Variants in LTBP3 observed in about 807,000 individuals in gnomAD.
LTBP3 encodes the protein latent transforming growth factor beta binding protein 3.
In LTBP3, 97 loss-of-function variants were observed where a neutral mutation model predicts 159.7. The observed-to-expected ratio is 0.61, with a 90% CI of 0.52 to 0.72. The LOEUF (loss-of-function observed/expected upper bound fraction) is 0.72, where lower values mean the gene tolerates loss of function less well. Ranked by LOEUF, LTBP3 falls within the 30% of genes least tolerant of loss-of-function variation. LTBP3 has a pLI of 0.00. For missense variants in LTBP3, 1,584 were observed against 1,864.3 expected (o/e 0.85, Z 2.77); for synonymous variants, 824 against 777.1 (o/e 1.06, Z -1.00).
At chr11:65,543,256 G>A in intron 17 of LTBP3, 32 bp from the exon 18 acceptor site, 8 of 1,613,892 alleles carry the variant, frequency 5.0e-6, no homozygotes, top group Non-Finnish European at 6.8e-6. Flanking sequence ...GAGAATCTCA[G>A]GGGCTGATCA....
chr11:65,542,618 C>G (rs1590764073), intron 18 of LTBP3: 1 of 251,134 alleles, frequency 4.0e-6, no homozygotes, highest in African/African-American at 2.3e-5. Flanking sequence ...GAACTCCTAA[C>G]CTCATGATCC....
intron 1 of LTBP3, among the ~76,000 whole-genome samples, chr11:65,555,637 AG>A (rs1294272270): frequency 6.6e-6 from 1 of 152,118 alleles, no homozygotes; most frequent in Admixed American, 6.5e-5. Context: ...TGGGTCCCAC[AG>A]GGGGTTCGGG....
Position 65,547,962 on chromosome 11 carries a change from T to C in LTBP3, c.1804A>G (p.Asn602Asp). 1 of 1,613,900 alleles carries C rather than the reference T, an allele frequency of 6.2e-7. No individual in the cohort carries two copies. The highest frequency in any genetic ancestry group is 8.5e-7 in the Non-Finnish European group (1 of 1,179,986). ...PGPPDYSCHC[N>D]PGYRSHPQHR... The stretch of plus-strand genomic sequence containing the variant: ...TGGGGATGTGACCGGTAGCCGGGGT[T>C]GCAGTGGCAGGAGTAGTCAGGGGGG... Residue 602 changes from asparagine (N) to aspartate (D), a missense_variant, in exon 12 of 28, where the codon AAC (asparagine) becomes GAC (aspartate). By Grantham distance (23) the Asn-to-Asp change is conservative. Around this residue, in one of 6 missense-constraint regions of LTBP3, gnomAD observed 565 missense variants for 677.7 expected, o/e 0.83. Transcript: ENST00000301873. This position sits in a 1 kb window ranked among gnomAD's most constrained non-coding sequence, Gnocchi z 4.6.
chr11:65,555,929 C>G (rs1856794665), intron 1 of LTBP3, among the ~76,000 whole-genome samples: 1 of 152,182 alleles, frequency 6.6e-6, no homozygotes, highest in Non-Finnish European at 1.5e-5. Context: ...CCCATCCTGC[C>G]TGGCCTCTTG....
intron 19 of LTBP3, 139 bp from the exon 20 acceptor site, chr11:65,541,432 G>T: frequency 7.1e-7 from 1 of 1,401,854 alleles, no homozygotes; most frequent in Non-Finnish European, 9.9e-7. Flanking sequence ...TGTTCTCAAC[G>T]TGGTGTTCTG....
At position 65,540,506 on chromosome 11, in the gene LTBP3, C is replaced by G. The variant is rs1856061231; in HGVS notation, c.3086G>C (p.Gly1029Ala). The change falls in exon 22 of 28, where the codon GGG becomes GCG. Residue 1029 changes from glycine (G) to alanine (A), a missense_variant. Coordinates refer to ENST00000301873, the MANE Select transcript of LTBP3 (RefSeq NM_001130144.3). Reference protein sequence around the residue: ...CYCKQGFYYDGNLLECVDVDE... With the variant: ...CYCKQGFYYDANLLECVDVDE... ...CTCACCCACGCATTCCAGCAGGTTC[C>G]CGTCGTAGTAGAAGCCCTGCTTGCA... 6.2e-7 allele frequency: 1 copy of G among 1,613,774 alleles called. No homozygotes were observed. The highest frequency in any genetic ancestry group is 8.5e-7 in the Non-Finnish European group (1 of 1,179,894).
intron 1 of LTBP3, 104 bp downstream of exon 1, chr11:65,557,525 T>G: frequency 1.3e-6 from 2 of 1,521,164 alleles, no homozygotes; most frequent in Non-Finnish European, 1.8e-6. Context: ...TCTCTGCCCT[T>G]TATACCCTCA....
chr11:65,553,713 C>G lies in LTBP3; in HGVS notation c.852G>C (p.Leu284=), dbSNP rs770465558. The change falls in exon 3 of 28, where the codon CTG becomes CTC. Residue 284 remains leucine (L), a synonymous_variant. Coordinates refer to ENST00000301873, the MANE Select transcript of LTBP3 (RefSeq NM_001130144.3). The surrounding 1 kb of genome is among the most constrained non-coding windows in gnomAD (Gnocchi z 6.5). ...KPLGRCFQDT[L]PKQPCGSNPL... ...TGGATTCACTCACCGGCTGCTTGGG[C>G]AGAGTGTCCTGAAAGCAGCGGCCCA... 1 of 1,577,748 alleles carries G rather than the reference C, an allele frequency of 6.3e-7. No homozygotes were observed. Among genetic ancestry groups the G allele is most frequent in the Non-Finnish European group, 8.5e-7 (1 of 1,169,666 alleles).
rs79476747 is a variant in LTBP3 at position 65,540,472 on chromosome 11, G to C, written c.3106+14C>G. On this transcript the variant is annotated intron_variant, in intron 22 of 27. Coordinates refer to ENST00000301873, the MANE Select transcript of LTBP3 (RefSeq NM_001130144.3). ...CCTGCCGCTTCCCCACGGCCGCCGG[G>C]GGGCGGAGCTCACCCACGCATTCCA... 1.4e-5 allele frequency: 23 copies of C among 1,613,056 alleles called. No homozygotes were observed. The highest frequency in any genetic ancestry group is 1.6e-4 in the Middle Eastern group (1 of 6,084).
rs1382632022 is a variant in LTBP3, at chr11:65,547,428, G to A, written c.2107+11C>T. ...GGAGCTCCTTCTTTGGTCTGAATGG[G>A]GTCCCCTCACCTTCGCACACAGGAG... On this transcript the variant is annotated intron_variant, in intron 14 of 27. Coordinates refer to ENST00000301873, the MANE Select transcript of LTBP3 (RefSeq NM_001130144.3). The surrounding 1 kb of genome is among the most constrained non-coding windows in gnomAD (Gnocchi z 4.6). 2.5e-6 allele frequency: 4 copies of A among 1,612,876 alleles called. No homozygotes were observed. Among genetic ancestry groups the A allele is most frequent in the Admixed American group, 3.3e-5 (2 of 60,010 alleles).
chr11:65,553,303 G>T lies in LTBP3; in HGVS notation c.971-47C>A. On this transcript the variant is annotated intron_variant, in intron 4 of 27. Coordinates refer to ENST00000301873, the MANE Select transcript of LTBP3 (RefSeq NM_001130144.3). This position sits in a 1 kb window ranked among gnomAD's most constrained non-coding sequence, Gnocchi z 6.5. ...GCAGGGGAGGGTGAGGAGGGAACTG[G>T]GGAGGGGCACAGCAGATGTAGAGAG... The T allele has an allele frequency of 6.4e-7, 1 of 1,558,606 alleles. No homozygotes were observed. Among genetic ancestry groups the T allele is most frequent in the Non-Finnish European group, 8.8e-7 (1 of 1,130,224 alleles).
intron 18 of LTBP3, 64 bp downstream of exon 18, chr11:65,543,041 G>C: frequency 6.2e-7 from 1 of 1,605,516 alleles, no homozygotes; most frequent in East Asian, 2.2e-5. Flanking sequence ...AAAGGCCACA[G>C]TGTGTCTAGG....
chr11:65,557,283 AG>A (rs907155614), intron 1 of LTBP3, among the ~76,000 whole-genome samples: 5 of 152,010 alleles, frequency 3.3e-5, no homozygotes, highest in African/African-American at 9.7e-5. Context: ...CCCTTCTCTG[AG>A]GCTTCCTGTC....
At chr11:65,539,266 G>A (rs1455784630) in intron 27 of LTBP3, 35 bp from the exon 28 acceptor site, 8 of 1,518,010 alleles carry the variant, frequency 5.3e-6, no homozygotes, top group Non-Finnish European at 7.1e-6. Flanking sequence ...GCTTCGCTGA[G>A]CCTCCAGGCG....
chr11:65,546,416 C>G lies in LTBP3; in HGVS notation c.2353+26G>C. 6.6e-7 allele frequency: 1 copy of G among 1,523,232 alleles called. No homozygotes were observed. 94.4% of individuals were successfully genotyped at this position (1,523,232 alleles called of 1,614,324 possible). A position where few individuals can be genotyped will look rare whatever the true frequency, so the allele number is the denominator to read the frequency against. Reference sequence around the variant, plus strand: ...TTCAGCGCGTAGGGGGCGGCGGAGGCCCGGGGCGGGGGTGCTGGCGCTCAC... The same window carrying G: ...TTCAGCGCGTAGGGGGCGGCGGAGGGCCGGGGCGGGGGTGCTGGCGCTCAC... On this transcript the variant is annotated intron_variant, in intron 16 of 27. Coordinates refer to ENST00000301873, the MANE Select transcript of LTBP3 (RefSeq NM_001130144.3). The surrounding 1 kb of genome is among the most constrained non-coding windows in gnomAD (Gnocchi z 4.0).
In LTBP3 at chr11:65,540,482, T is replaced by C; in HGVS notation, c.3106+4A>G. On this transcript the variant is annotated splice_donor_region_variant and intron_variant, in intron 22 of 27. Coordinates refer to ENST00000301873, the MANE Select transcript of LTBP3 (RefSeq NM_001130144.3). ...CCCCACGGCCGCCGGGGGGCGGAGCTCACCCACGCATTCCAGCAGGTTCCC... is the reference window on the plus strand; with the variant it reads ...CCCCACGGCCGCCGGGGGGCGGAGCCCACCCACGCATTCCAGCAGGTTCCC... The C allele has an allele frequency of 6.2e-7, 1 of 1,613,200 alleles. No individual in the cohort carries two copies. The highest frequency in any genetic ancestry group is 8.5e-7 in the Non-Finnish European group (1 of 1,179,792).
In LTBP3 at chr11:65,553,319, A is replaced by C. The variant is rs1856679856; in HGVS notation, c.971-63T>G. 3 of 1,243,244 alleles carry C rather than the reference A, an allele frequency of 2.4e-6. No homozygotes were observed. The Admixed American group carries it at 6.1e-5, about 25-fold the overall frequency. 77.0% of individuals were successfully genotyped at this position (1,243,244 alleles called of 1,614,324 possible). ...AGGGAACTGGGGAGGGGCACAGCAG[A>C]TGTAGAGAGGAATCTGGTGACCTGG... On this transcript the variant is annotated intron_variant, in intron 4 of 27. Coordinates refer to ENST00000301873, the MANE Select transcript of LTBP3 (RefSeq NM_001130144.3). This position sits in a 1 kb window ranked among gnomAD's most constrained non-coding sequence, Gnocchi z 6.5.
chr11:65,554,516 T>C lies in LTBP3; in HGVS notation c.332-136A>G. ...TACATCCTACATAGGGAAACTGCCCTCTCTAGGTTCCCCAACATCCTTACA... is the reference window on the plus strand; with the variant it reads ...TACATCCTACATAGGGAAACTGCCCCCTCTAGGTTCCCCAACATCCTTACA... On this transcript the variant is annotated intron_variant, in intron 1 of 27. Transcript: ENST00000301873. The surrounding 1 kb of genome is among the most constrained non-coding windows in gnomAD (Gnocchi z 5.3). 1 of 656,230 alleles carries C rather than the reference T, an allele frequency of 1.5e-6. No homozygotes were observed. Among genetic ancestry groups the C allele is most frequent in the Non-Finnish European group, 2.6e-6 (1 of 384,142 alleles). The allele number at this position is 656,230 out of a possible 1,614,324, so 40.7% of individuals were successfully genotyped here.
chr11:65,556,803 G>T (rs1399636479), intron 1 of LTBP3, among the ~76,000 whole-genome samples: 1 of 152,176 alleles, frequency 6.6e-6, no homozygotes, highest in Non-Finnish European at 1.5e-5. Context: ...TCCTGGGCCT[G>T]GCCTAATTAC....
Sources: allele counts gnomAD v4.1 joint callset (sites outside exome capture counted in the v4.1 genomes callset), GRCh38; gene constraint gnomAD v4.1.1; regional missense constraint gnomAD v4.1.1; non-coding constraint Gnocchi (gnomAD v3.1); transcripts MANE v1.5; gene names NCBI Gene and HGNC (gene_info 2026-07-23, HGNC 2026-07-21).